Variants in LEPR observed in about 807,000 individuals in gnomAD.
LEPR encodes the protein leptin receptor.
A neutral mutation model predicts 114.7 loss-of-function variants in LEPR; 56 were observed. That is an observed-to-expected ratio of 0.49 (90% CI 0.39 to 0.61). The LOEUF is 0.61. Ranked by LOEUF, LEPR falls within the 20% of genes least tolerant of loss-of-function variation. The probability of loss-of-function intolerance (pLI) is 0.00; values close to 1 mark genes in which losing one functional copy is unlikely to be tolerated. For missense variants in LEPR, 1,202 were observed against 1,352.9 expected, an observed-to-expected ratio of 0.89 and a Z score of 1.75; for synonymous variants, 443 against 461.4, an observed-to-expected ratio of 0.96 and a Z score of 0.51.
chr1:65,432,606 A>T (rs145121923), intron 2 of LEPR: 97 of 984,106 alleles, frequency 9.9e-5, no homozygotes, highest in Middle Eastern at 5.2e-4. Context: ...CATGCTGAGG[A>T]CAAGTTCAGA....
At chr1:65,522,950 T>A (rs1649708926) in intron 2 of LEPR, among the ~76,000 whole-genome samples, 1 of 152,178 alleles carries the variant, frequency 6.6e-6, no homozygotes, top group African/African-American at 2.4e-5. Flanking sequence ...ACCGTAGTAA[T>A]AATTTGCTTA....
At position 65,640,830 on chromosome 1, in the gene LEPR, G is replaced by A. The variant is rs1481988577; in HGVS notation, c.*3815G>A. 6.8e-6 allele frequency: 1 copy of A among 147,462 alleles called. No individual in the cohort carries two copies. Among genetic ancestry groups the A allele is most frequent in the African/African-American group, 2.6e-5 (1 of 39,146 alleles). 9.1% of individuals were successfully genotyped at this position (147,462 alleles called of 1,614,324 possible). ...AGCTGGAGTGCAGTGATGTGATCTC[G>A]GCTCACTGCAACCCCTGCTTCCCAG... On this transcript the variant is annotated 3_prime_UTR_variant, in exon 20 of 20. Coordinates refer to ENST00000349533, the MANE Select transcript of LEPR (RefSeq NM_002303.6).
intron 2 of LEPR, among the ~76,000 whole-genome samples, chr1:65,552,151 G>A (rs760481595): frequency 7.2e-5 from 11 of 152,156 alleles, no homozygotes; most frequent in South Asian, 2.1e-4. Flanking sequence ...TAGAATAAGC[G>A]CGATGTGGTG....
chr1:65,550,712 C>T (rs1048043944), intron 2 of LEPR, among the ~76,000 whole-genome samples: 1 of 152,160 alleles, frequency 6.6e-6, no homozygotes, highest in Non-Finnish European at 1.5e-5. Context: ...TTTCCAGGTG[C>T]CGTCTGTCAC....
intron 2 of LEPR, among the ~76,000 whole-genome samples, chr1:65,452,013 C>T (rs1023277715): frequency 2.9e-4 from 44 of 151,002 alleles, no homozygotes; most frequent in African/African-American, 9.7e-4. Flanking sequence ...AAGTTGGATT[C>T]CTAGGTATTT....
rs1394695923 is a variant in LEPR at position 65,526,136 on chromosome 1, TCTTTTCCAGG to T, written c.-20-39406_-20-39397del. ...GAGAGAGCATGCCACCCGGCCAACTTCTTTTCCAGGCTTCGTGCCTACTTTGGAAACTGAA... is the reference window on the plus strand; with the variant it reads ...GAGAGAGCATGCCACCCGGCCAACTTCTTCGTGCCTACTTTGGAAACTGAA... On this transcript the variant is annotated intron_variant, in intron 2 of 19. Transcript: ENST00000349533. 9.4e-6 allele frequency: 9 copies of T among 957,220 alleles called. No homozygotes were observed. In the East Asian group the frequency reaches 1.0e-3, roughly 111 times the overall value. 59.3% of individuals were successfully genotyped at this position (957,220 alleles called of 1,614,324 possible).
intron 2 of LEPR, among the ~76,000 whole-genome samples, chr1:65,549,988 T>A (rs894521354): frequency 4.3e-4 from 66 of 152,224 alleles, no homozygotes; most frequent in Non-Finnish European, 6.9e-4. Flanking sequence ...CAGATTGGTT[T>A]TTGGTGTGGA....
At chr1:65,496,007 TAAC>T (rs997310671) in intron 2 of LEPR, among the ~76,000 whole-genome samples, 19 of 152,152 alleles carry the variant, frequency 1.2e-4, no homozygotes, top group African/African-American at 4.3e-4. Flanking sequence ...AGACTATAGT[TAAC>T]AACAATTTAT....
chr1:65,454,804 T>A (rs1263308091), intron 2 of LEPR, among the ~76,000 whole-genome samples: 1 of 152,308 alleles, frequency 6.6e-6, no homozygotes, highest in Admixed American at 6.5e-5. Context: ...GCGTTCTCTG[T>A]ATTTCCTGAA....
chr1:65,432,212 A>G, intron 2 of LEPR: 2 of 1,044,088 alleles, frequency 1.9e-6, no homozygotes, highest in Non-Finnish European at 2.3e-6. Flanking sequence ...CTGCCACCTT[A>G]TGCAGTGCAT....
chr1:65,528,881 T>G (rs1332900837), intron 2 of LEPR, among the ~76,000 whole-genome samples: 1 of 152,126 alleles, frequency 6.6e-6, no homozygotes, highest in Non-Finnish European at 1.5e-5. Context: ...CCCAGCTCAC[T>G]GCAACCTCCG....
intron 12 of LEPR, among the ~76,000 whole-genome samples, chr1:65,609,308 T>G (rs891368708): frequency 7.9e-5 from 12 of 152,374 alleles, no homozygotes; most frequent in Admixed American, 4.6e-4. Flanking sequence ...TCCAAGGAAC[T>G]GTTGTTTCTC....
intron 2 of LEPR, among the ~76,000 whole-genome samples, chr1:65,456,236 C>T (rs1367244766): frequency 6.6e-6 from 1 of 152,018 alleles, no homozygotes; most frequent in East Asian, 1.9e-4. Flanking sequence ...CAGAAATCAC[C>T]CGTCTTCTGC....
rs1653690136 is a variant in LEPR at position 65,565,749 on chromosome 1, A to T, written c.40+144A>T. On this transcript the variant is annotated intron_variant, in intron 3 of 19. Coordinates refer to ENST00000349533, the MANE Select transcript of LEPR (RefSeq NM_002303.6). ...ATACATGCTTATGATTAAAAATGCA[A>T]ACCATAGTATAGGTGTATCAGTGTG... 23 of 1,139,748 alleles carry T rather than the reference A, an allele frequency of 2.0e-5. 1 individual carries two copies. In the South Asian group the frequency reaches 3.0e-4, roughly 15 times the overall value. The allele number at this position is 1,139,748 out of a possible 1,614,324, so 70.6% of individuals were successfully genotyped here. A position where few individuals can be genotyped will look rare whatever the true frequency, so the allele number is the denominator to read the frequency against.
At chr1:65,468,527 C>T (rs550353384) in intron 2 of LEPR, among the ~76,000 whole-genome samples, 2 of 152,042 alleles carry the variant, frequency 1.3e-5, no homozygotes, top group Non-Finnish European at 2.9e-5. Context: ...TGTTTTGTAA[C>T]CTTGGAAAAA....
rs767680752 is a variant in LEPR, at chr1:65,636,761, G to A, written c.3244G>A (p.Val1082Ile). 1 of 1,613,984 alleles carries A rather than the reference G, an allele frequency of 6.2e-7. No individual in the cohort carries two copies. The highest frequency in any genetic ancestry group is 8.5e-7 in the Non-Finnish European group (1 of 1,179,964). ...TAAAAAGTCTATCTATTATTTAGGG[G>A]TCACCTCAATCAAAAAGAGAGAGAG... is the stretch of plus-strand genomic sequence containing the variant. ...NDKKSIYYLG[V>I]TSIKKRESGV... The change falls in exon 20 of 20, where the codon GTC (valine) becomes ATC (isoleucine). Residue 1082 changes from valine (V) to isoleucine (I), a missense_variant. Val to Ile is a conservative substitution (Grantham distance 29, BLOSUM62 3). Transcript: ENST00000349533.
chr1:65,597,892 T>C (rs1446354581), intron 7 of LEPR, among the ~76,000 whole-genome samples: 1 of 151,654 alleles, frequency 6.6e-6, no homozygotes, highest in Non-Finnish European at 1.5e-5. Context: ...CTGGAGATAA[T>C]TTGTGAACTT....
intron 2 of LEPR, among the ~76,000 whole-genome samples, chr1:65,553,188 T>C (rs1652541539): frequency 6.6e-6 from 1 of 152,208 alleles, no homozygotes; most frequent in Non-Finnish European, 1.5e-5. Context: ...TTGACGATTA[T>C]ATGTCTTCAG....
intron 2 of LEPR, among the ~76,000 whole-genome samples, chr1:65,514,108 G>C (rs2100560284): frequency 6.6e-6 from 1 of 152,346 alleles, no homozygotes; most frequent in East Asian, 1.9e-4. Context: ...CTCTTGGTAT[G>C]AGATTATAAA....
Sources: allele counts gnomAD v4.1 joint callset (sites outside exome capture counted in the v4.1 genomes callset), GRCh38; gene constraint gnomAD v4.1.1; transcripts MANE v1.5; gene names NCBI Gene and HGNC (gene_info 2026-07-23, HGNC 2026-07-21).